CNTNAP2: variants seen among roughly 807,000 people sequenced by gnomAD.
CNTNAP2 encodes the protein contactin-associated protein-like 2.
In CNTNAP2, 98 loss-of-function variants were observed where a neutral mutation model predicts 155.2. That is an observed-to-expected ratio of 0.63 (90% CI 0.54 to 0.75). The LOEUF is 0.75. CNTNAP2 is among the 30% of genes least tolerant of loss of function. The probability of loss-of-function intolerance (pLI) is 0.00; values close to 1 mark genes in which losing one functional copy is unlikely to be tolerated. For missense variants in CNTNAP2, 1,727 were observed against 1,688.1 expected, an observed-to-expected ratio of 1.02 and a Z score of -0.40; for synonymous variants, 651 against 631.2, an observed-to-expected ratio of 1.03 and a Z score of -0.47.
chr7:148,358,626 C>T (rs958490611), intron 21 of CNTNAP2, among the ~76,000 whole-genome samples: 2 of 152,188 alleles, frequency 1.3e-5, no homozygotes, highest in Non-Finnish European at 2.9e-5. Flanking sequence ...GGAAATAGAA[C>T]AGGCCTCCCT....
At chr7:146,842,408 G>A (rs1042219884) in intron 3 of CNTNAP2, among the ~76,000 whole-genome samples, 62 of 152,000 alleles carry the variant, frequency 4.1e-4, no homozygotes, top group African/African-American at 1.4e-3. Context: ...AGTATGCTAC[G>A]TGATGAGTGA....
chr7:147,486,485 A>C (rs1342917024), intron 11 of CNTNAP2, among the ~76,000 whole-genome samples: 2 of 152,190 alleles, frequency 1.3e-5, no homozygotes, highest in African/African-American at 4.8e-5. Context: ...CTTTAGCCCA[A>C]CTATTTGACT....
chr7:146,422,044 AT>A (rs886290584), intron 1 of CNTNAP2, among the ~76,000 whole-genome samples: 9 of 150,610 alleles, frequency 6.0e-5, no homozygotes, highest in Admixed American at 2.7e-4. Flanking sequence ...CATATGGGTA[AT>A]TTTTTTTTAG....
intron 13 of CNTNAP2, among the ~76,000 whole-genome samples, chr7:147,741,360 A>G (rs1796953353): frequency 2.6e-5 from 4 of 152,208 alleles, no homozygotes; most frequent in Admixed American, 6.5e-5. Flanking sequence ...GTAAAAGACA[A>G]TTTGCTGCTG....
At chr7:146,952,597 A>G (rs1405474905) in intron 3 of CNTNAP2, among the ~76,000 whole-genome samples, 2 of 152,186 alleles carry the variant, frequency 1.3e-5, no homozygotes, top group Non-Finnish European at 2.9e-5. Context: ...ATATAAAATC[A>G]ATGTGCAAAA....
chr7:147,668,991 TA>T (rs1222639860), intron 13 of CNTNAP2, among the ~76,000 whole-genome samples: 1 of 152,158 alleles, frequency 6.6e-6, no homozygotes, highest in Non-Finnish European at 1.5e-5. Flanking sequence ...ATTTTTACTG[TA>T]TTTTTTCTAT....
intron 3 of CNTNAP2, among the ~76,000 whole-genome samples, chr7:147,015,090 G>GTT (rs756258642): frequency 1.2e-4 from 17 of 144,114 alleles, no homozygotes; most frequent in African/African-American, 2.3e-4. Context: ...TGACACAGTG[G>GTT]TTTTTTTTTT....
rs544242474 is a variant in CNTNAP2, at chr7:147,527,229, T to C, written c.1778-34909T>C. ...TAGTAGAGACAGGGTTTCACTGTGTTAGCCAGGATGGTCTCGATCTCCTGA... is the reference window on the plus strand; with the variant it reads ...TAGTAGAGACAGGGTTTCACTGTGTCAGCCAGGATGGTCTCGATCTCCTGA... On this transcript the variant is annotated intron_variant, in intron 11 of 23. Transcript: ENST00000361727. Among the ~76,000 whole-genome samples the C allele has an allele frequency of 2.2e-4, 34 of 152,112 alleles. 1 individual carries two copies. The East Asian group carries it at 3.3e-3, about 15-fold the overall frequency.
chr7:147,990,250 G>C (rs1055053766), intron 15 of CNTNAP2, among the ~76,000 whole-genome samples: 1 of 152,212 alleles, frequency 6.6e-6, no homozygotes, highest in African/African-American at 2.4e-5. Flanking sequence ...TCCCTGTGAA[G>C]TGAGAATTGT....
At chr7:147,653,014 T>C (rs1795471897) in intron 13 of CNTNAP2, among the ~76,000 whole-genome samples, 1 of 152,194 alleles carries the variant, frequency 6.6e-6, no homozygotes, top group East Asian at 1.9e-4. Flanking sequence ...TTAAAAAATA[T>C]GGTTTATATA....
chr7:148,386,581 C>T (rs1190251084), intron 22 of CNTNAP2, among the ~76,000 whole-genome samples: 1 of 152,084 alleles, frequency 6.6e-6, no homozygotes, highest in Non-Finnish European at 1.5e-5. Flanking sequence ...TATGATTTTC[C>T]TCTTTTAGGT....
rs1341600589 is a variant in CNTNAP2 at position 146,535,357 on chromosome 7, T to C, written c.98-238914T>C. On this transcript the variant is annotated intron_variant, in intron 1 of 23. Coordinates refer to ENST00000361727, the MANE Select transcript of CNTNAP2 (RefSeq NM_014141.6). The stretch of plus-strand genomic sequence containing the variant: ...ATATAATGCATATTATATATGATAT[T>C]ATATAATGTATATTATATATGATAT... Among the ~76,000 whole-genome samples, 6 of 69,022 alleles carry C rather than the reference T, an allele frequency of 8.7e-5. 2 individuals carry two copies. Among genetic ancestry groups the C allele is most frequent in the African/African-American group, 7.7e-4 (6 of 7,792 alleles). The allele number at this position is 69,022 out of a possible 152,430, so 45.3% of individuals were successfully genotyped here. A position where few individuals can be genotyped will look rare whatever the true frequency, so the allele number is the denominator to read the frequency against.
rs147149651 is a variant in CNTNAP2, at chr7:147,481,037, A to C, written c.1671-4898A>C. On this transcript the variant is annotated intron_variant, in intron 10 of 23. Coordinates refer to ENST00000361727, the MANE Select transcript of CNTNAP2 (RefSeq NM_014141.6). ...CACGGCACTGTTCATTGCGCTTGGTACCACCAGAACATATTTCCATGTGGA... is the reference window on the plus strand; with the variant it reads ...CACGGCACTGTTCATTGCGCTTGGTCCCACCAGAACATATTTCCATGTGGA... Among the ~76,000 whole-genome samples, 695 of 152,302 alleles carry C rather than the reference A, an allele frequency of 4.6e-3. 6 individuals are homozygous for C. The highest frequency in any genetic ancestry group is 6.3e-3 in the Non-Finnish European group (427 of 68,026).
intron 12 of CNTNAP2, among the ~76,000 whole-genome samples, chr7:147,625,866 C>A (rs563913398): frequency 6.6e-6 from 1 of 152,224 alleles, no homozygotes; most frequent in African/African-American, 2.4e-5. Context: ...TCCAAACATA[C>A]ATTTCTACTG....
At chr7:146,593,834 C>T (rs1019162454) in intron 1 of CNTNAP2, among the ~76,000 whole-genome samples, 20 of 152,158 alleles carry the variant, frequency 1.3e-4, no homozygotes, top group Non-Finnish European at 1.0e-4. Flanking sequence ...GACTTTTAGA[C>T]GCCTGTGTTT....
chr7:147,664,678 T>A, intron 13 of CNTNAP2, among the ~76,000 whole-genome samples: 1 of 152,192 alleles, frequency 6.6e-6, no homozygotes, highest in East Asian at 1.9e-4. Context: ...GAATCTACTC[T>A]GTAAATAGAA....
At chr7:147,133,508 T>C (rs1403627758) in intron 8 of CNTNAP2, among the ~76,000 whole-genome samples, 1 of 151,988 alleles carries the variant, frequency 6.6e-6, no homozygotes, top group African/African-American at 2.4e-5. Flanking sequence ...TCTAACACAC[T>C]ATGATTTTTG....
rs376769183 is a variant in CNTNAP2, at chr7:147,088,231, C to T, written c.551-19916C>T. ...TTTCAAATTTTGGAGAAATAAATCT[C>T]ACTTGGATCACTAAAAATAAAGAAA... On this transcript the variant is annotated intron_variant, in intron 4 of 23. Coordinates refer to ENST00000361727, the MANE Select transcript of CNTNAP2 (RefSeq NM_014141.6). Among the ~76,000 whole-genome samples the T allele has an allele frequency of 1.1e-4, 16 of 152,218 alleles. 1 individual carries two copies. Among genetic ancestry groups the T allele is most frequent in the African/African-American group, 2.6e-4 (11 of 41,534 alleles).
At chr7:146,926,060 T>C (rs1332030422) in intron 3 of CNTNAP2, among the ~76,000 whole-genome samples, 1 of 152,180 alleles carries the variant, frequency 6.6e-6, no homozygotes, top group African/African-American at 2.4e-5. Flanking sequence ...GCCTCTAGCC[T>C]TGATTGGAGA....
Sources: allele counts gnomAD v4.1 joint callset (sites outside exome capture counted in the v4.1 genomes callset), GRCh38; gene constraint gnomAD v4.1.1; transcripts MANE v1.5; gene names NCBI Gene and HGNC (gene_info 2026-07-23, HGNC 2026-07-21).